Variants in RARRES1 observed in about 807,000 individuals in gnomAD.
RARRES1 encodes retinoic acid receptor responder 1.
A neutral mutation model predicts 30.6 loss-of-function variants in RARRES1; 34 were observed. That is an observed-to-expected ratio of 1.11 (90% confidence interval 0.84 to 1.48). The LOEUF (loss-of-function observed/expected upper bound fraction) is 1.48. Ranked by LOEUF, RARRES1 falls within the 40% of genes most tolerant of loss-of-function variation. The probability of loss-of-function intolerance (pLI) is 0.00; values close to 1 mark genes in which losing one functional copy is unlikely to be tolerated. For missense variants in RARRES1, 373 were observed against 386.5 expected (o/e 0.97, Z 0.29); for synonymous variants, 153 against 155.5 (o/e 0.98, Z 0.12).
In RARRES1 at chr3:158,697,987, G is replaced by C; in HGVS notation, c.673-17C>G. 1.4e-6 allele frequency: 2 copies of C among 1,465,538 alleles called. No individual in the cohort carries two copies. Among genetic ancestry groups the C allele is most frequent in the Non-Finnish European group, 1.9e-6 (2 of 1,054,738 alleles). 90.8% of individuals were successfully genotyped at this position (1,465,538 alleles called of 1,614,324 possible). ...ATTAGTTTTCTAGAGGGAGAAAAAA[G>C]AGTTAGTGTAATAAATATGGTGGTA... is the stretch of plus-strand genomic sequence containing the variant. On this transcript the variant is annotated splice_polypyrimidine_tract_variant and intron_variant, in intron 4 of 5. Transcript: ENST00000237696.
In RARRES1 at chr3:158,721,558, C is replaced by T. The variant is rs150550835; in HGVS notation, c.277-7699G>A. 4.6e-5 allele frequency among the ~76,000 whole-genome samples: 7 copies of T among 152,270 alleles called. No individual in the cohort carries two copies. In the East Asian group the frequency reaches 1.3e-3, roughly 29 times the overall value. ...AGATCAGATGACAATCACTAGGATA[C>T]AGCTGACCACTAAATAGGAGATTGA... is the stretch of plus-strand genomic sequence containing the variant. On this transcript the variant is annotated intron_variant, in intron 1 of 5. Coordinates refer to ENST00000237696, the MANE Select transcript of RARRES1 (RefSeq NM_206963.2).
chr3:158,705,168 A>G (rs1726876424), intron 3 of RARRES1, among the ~76,000 whole-genome samples: 1 of 152,192 alleles, frequency 6.6e-6, no homozygotes, highest in African/African-American at 2.4e-5. Flanking sequence ...TGTACTGTAT[A>G]CACGCAAAGT....
At chr3:158,725,344 A>C (rs1283686740) in intron 1 of RARRES1, among the ~76,000 whole-genome samples, 1 of 152,208 alleles carries the variant, frequency 6.6e-6, no homozygotes, top group Non-Finnish European at 1.5e-5. Flanking sequence ...ACAGCAAGTG[A>C]GATCAAGTTT....
chr3:158,732,112 G>C, intron 1 of RARRES1, 28 bp downstream of exon 1: 1 of 1,314,432 alleles, frequency 7.6e-7, no homozygotes, highest in Non-Finnish European at 9.6e-7. Flanking sequence ...AGGCAGGCGC[G>C]TGCCCCGGCG....
intron 1 of RARRES1, among the ~76,000 whole-genome samples, chr3:158,729,783 G>GA (rs1024566659): frequency 2.0e-5 from 3 of 151,732 alleles, no homozygotes; most frequent in Non-Finnish European, 4.4e-5. Context: ...TTTGGAAGGG[G>GA]AAAAAAAATC....
intron 1 of RARRES1, among the ~76,000 whole-genome samples, chr3:158,730,890 T>C (rs1319917931): frequency 6.6e-6 from 1 of 152,054 alleles, no homozygotes; most frequent in Non-Finnish European, 1.5e-5. Flanking sequence ...TTCAAGCGAT[T>C]CTCCTGCCTC....
At chr3:158,713,923 A>G (rs1727235433) in intron 1 of RARRES1, 64 bp from the exon 2 acceptor site, 3 of 1,407,140 alleles carry the variant, frequency 2.1e-6, no homozygotes, top group East Asian at 2.3e-5. Context: ...ATATCCAGGA[A>G]TCACACTCTT....
At chr3:158,701,757 G>A (rs373266246) in intron 4 of RARRES1, among the ~76,000 whole-genome samples, 2 of 152,156 alleles carry the variant, frequency 1.3e-5, no homozygotes, top group African/African-American at 2.4e-5. Context: ...TTGTGGATAT[G>A]TGCATACTTT....
Position 158,697,383 on chromosome 3 carries a change from C to G in RARRES1, c.*295G>C. 1 of 237,718 alleles carries G rather than the reference C, an allele frequency of 4.2e-6. No individual in the cohort carries two copies. The highest frequency in any genetic ancestry group is 8.0e-6 in the Non-Finnish European group (1 of 124,610). The allele number at this position is 237,718 out of a possible 1,614,324, so 14.7% of individuals were successfully genotyped here. A position where few individuals can be genotyped will look rare whatever the true frequency, so the allele number is the denominator to read the frequency against. On this transcript the variant is annotated 3_prime_UTR_variant, in exon 6 of 6. Coordinates refer to ENST00000237696, the MANE Select transcript of RARRES1 (RefSeq NM_206963.2). ...TGCAGTTAAAAAAAAAATGCTGATT[C>G]TGGTGCAACATACACTGATTATCCA...
intron 1 of RARRES1, among the ~76,000 whole-genome samples, chr3:158,731,600 G>C (rs1238063550): frequency 6.6e-6 from 1 of 152,168 alleles, no homozygotes; most frequent in Non-Finnish European, 1.5e-5. Context: ...CCAGGCCTAC[G>C]TGTAAATTCC....
intron 4 of RARRES1, among the ~76,000 whole-genome samples, chr3:158,703,908 C>G (rs1726818371): frequency 6.6e-6 from 1 of 152,174 alleles, no homozygotes; most frequent in South Asian, 2.1e-4. Context: ...TCAGACTCTT[C>G]TGTCCAGAAG....
chr3:158,699,540 C>G (rs1322928580), intron 4 of RARRES1, among the ~76,000 whole-genome samples: 1 of 151,064 alleles, frequency 6.6e-6, no homozygotes, highest in Non-Finnish European at 1.5e-5. Context: ...AAGATACAGG[C>G]TGGAATCCTA....
Position 158,721,056 on chromosome 3 carries a change from G to A in RARRES1, c.277-7197C>T, listed in dbSNP as rs564803774. On this transcript the variant is annotated intron_variant, in intron 1 of 5. Coordinates refer to ENST00000237696, the MANE Select transcript of RARRES1 (RefSeq NM_206963.2). ...CTGGATGCAGACCCTTTCAGACAAG[G>A]TATAAATGAAAGTATAACCCAGTGC... Among the ~76,000 whole-genome samples the A allele has an allele frequency of 2.6e-5, 4 of 152,278 alleles. No homozygotes were observed. The South Asian group carries it at 8.3e-4, about 32-fold the overall frequency.
chr3:158,705,270 C>T (rs1726880909), intron 3 of RARRES1, among the ~76,000 whole-genome samples: 1 of 152,182 alleles, frequency 6.6e-6, no homozygotes, highest in South Asian at 2.1e-4. Flanking sequence ...CACCACCCTT[C>T]AGGCCTGAGC....
chr3:158,707,068 C>T (rs1726947412), intron 3 of RARRES1, among the ~76,000 whole-genome samples: 1 of 152,142 alleles, frequency 6.6e-6, no homozygotes, highest in South Asian at 2.1e-4. Context: ...ACTCTGGAGG[C>T]TGAAGCAGGA....
At chr3:158,716,590 T>G (rs1032252201) in intron 1 of RARRES1, among the ~76,000 whole-genome samples, 1 of 151,496 alleles carries the variant, frequency 6.6e-6, no homozygotes, top group Non-Finnish European at 1.5e-5. Context: ...AGCACTCTTT[T>G]TTTTTTTTTT....
intron 4 of RARRES1, among the ~76,000 whole-genome samples, chr3:158,699,165 A>C (rs1726643762): frequency 6.6e-6 from 1 of 152,192 alleles, no homozygotes; most frequent in African/African-American, 2.4e-5. Context: ...GAAGTCACAT[A>C]GACCGTGCAC....
Position 158,710,873 on chromosome 3 carries a change from T to A in RARRES1, c.400A>T (p.Asn134Tyr). The A allele has an allele frequency of 6.2e-7, 1 of 1,614,108 alleles. No homozygotes were observed. The highest frequency in any genetic ancestry group is 8.5e-7 in the Non-Finnish European group (1 of 1,179,970). ...GKCSARVFFK[N>Y]QKPRPTINVT... ...TTGATGGTTGGTCTGGGTTTCTGAT[T>A]CTTGAAAAACACTCGAGCAGAACAT... is the stretch of plus-strand genomic sequence containing the variant. The change falls in exon 3 of 6, where the codon AAT becomes TAT. Residue 134 changes from asparagine (N) to tyrosine (Y), a missense_variant. Asn to Tyr is a moderately radical substitution (Grantham distance 143). Transcript: ENST00000237696.
At chr3:158,728,346 C>A (rs1727755271) in intron 1 of RARRES1, among the ~76,000 whole-genome samples, 1 of 151,946 alleles carries the variant, frequency 6.6e-6, no homozygotes, top group African/African-American at 2.4e-5. Flanking sequence ...GGGAGGGATA[C>A]CCATGAACTA....
Sources: gnomAD v4.1 joint callset for allele counts (sites outside exome capture counted in the v4.1 genomes callset) on GRCh38, gnomAD v4.1.1 for gene constraint, MANE v1.5 for transcripts, NCBI Gene and HGNC (gene_info 2026-07-23, HGNC 2026-07-21) for gene names.